RTTN: variants seen among roughly 807,000 people sequenced by gnomAD.
The protein encoded by RTTN is rotatin.
Under a neutral mutation model 269.2 loss-of-function variants are expected in RTTN, and 182 were observed. The ratio of observed to expected loss-of-function variants is 0.68; its 90% CI spans 0.60 to 0.76. The LOEUF is 0.76. Ranked by LOEUF, RTTN falls within the 30% of genes least tolerant of loss-of-function variation. RTTN has a pLI of 0.00. For missense variants in RTTN, 2,545 were observed against 2,608.6 expected (o/e 0.98, Z 0.53); for synonymous variants, 1,006 against 963.5 (o/e 1.04, Z -0.82).
chr18:70,122,257 T>TAA (rs113448534), intron 25 of RTTN, among the ~76,000 whole-genome samples: 1 of 146,152 alleles, frequency 6.8e-6, no homozygotes, highest in Non-Finnish European at 1.5e-5. Flanking sequence ...AAGATTTCTT[T>TAA]AAAAAAAAAA....
intron 46 of RTTN, among the ~76,000 whole-genome samples, chr18:70,013,381 G>GTATA (rs1444946491): frequency 6.6e-6 from 1 of 150,816 alleles, no homozygotes; most frequent in Non-Finnish European, 1.5e-5. Context: ...GTGTGTGTAT[G>GTATA]TATATATACA....
chr18:70,055,930 G>A (rs974603369), intron 37 of RTTN, among the ~76,000 whole-genome samples: 3 of 152,032 alleles, frequency 2.0e-5, no homozygotes, highest in African/African-American at 4.8e-5. Context: ...CCCATCTGCC[G>A]CAGGCACTCG....
intron 32 of RTTN, among the ~76,000 whole-genome samples, chr18:70,083,241 A>G (rs1426353247): frequency 5.3e-5 from 8 of 152,154 alleles, no homozygotes; most frequent in Non-Finnish European, 1.0e-4. Flanking sequence ...CCCCACTTCC[A>G]GTATGCTTCT....
In RTTN at chr18:70,127,549, T is replaced by C; in HGVS notation, c.3336A>G (p.Pro1112=). 3 of 1,613,514 alleles carry C rather than the reference T, an allele frequency of 1.9e-6. No individual in the cohort carries two copies. The South Asian group carries it at 3.3e-5, about 18-fold the overall frequency. The change falls in exon 25 of 49, where the codon CCA becomes CCG. Residue 1112 remains proline, a synonymous_variant. Transcript: ENST00000640769. Reference sequence around the variant, plus strand: ...CCAAGGACTTCAAGGTAACCCCACATGGACCAGGGCAACCCTTTAAAGACA... The same window carrying C: ...CCAAGGACTTCAAGGTAACCCCACACGGACCAGGGCAACCCTTTAAAGACA... ...DRLSLKGCPG[P]CGVTLKSLAW...
chr18:70,198,155 T>C (rs1600073698), intron 5 of RTTN, among the ~76,000 whole-genome samples: 1 of 152,308 alleles, frequency 6.6e-6, no homozygotes, highest in African/African-American at 2.4e-5. Flanking sequence ...TTAAAGTCCT[T>C]ACTGATCTTC....
At chr18:70,203,605 T>C (rs992848820) in intron 3 of RTTN, among the ~76,000 whole-genome samples, 2 of 152,206 alleles carry the variant, frequency 1.3e-5, no homozygotes, top group Admixed American at 6.5e-5. Flanking sequence ...CTTAAATCCA[T>C]GTCTCTTTGA....
intron 28 of RTTN, among the ~76,000 whole-genome samples, chr18:70,098,880 C>T (rs963086354): frequency 2.6e-5 from 4 of 152,082 alleles, no homozygotes; most frequent in Admixed American, 6.6e-5. Flanking sequence ...CTTATGAGCA[C>T]GAACATGCAG....
chr18:70,143,524 T>G (rs2060312974), intron 18 of RTTN, among the ~76,000 whole-genome samples: 1 of 152,126 alleles, frequency 6.6e-6, no homozygotes, highest in Non-Finnish European at 1.5e-5. Flanking sequence ...ATGTTCTCAC[T>G]TATAAGCAGG....
intron 27 of RTTN, among the ~76,000 whole-genome samples, chr18:70,112,371 A>G (rs2059490737): frequency 6.6e-6 from 1 of 151,842 alleles, no homozygotes; most frequent in Admixed American, 6.6e-5. Context: ...AAATTGGATA[A>G]AGAGTCAAGA....
chr18:70,142,277 A>C lies in RTTN; in HGVS notation c.2581+11T>G. On this transcript the variant is annotated intron_variant, in intron 19 of 48. Coordinates refer to ENST00000640769, the MANE Select transcript of RTTN (RefSeq NM_173630.4). ...AGCAGTACAGCAATCATTTCCCTTA[A>C]AAGACATTACCTTGCATAATCACAG... is the stretch of plus-strand genomic sequence containing the variant. 1 of 1,539,558 alleles carries C rather than the reference A, an allele frequency of 6.5e-7. No homozygotes were observed. Among genetic ancestry groups the C allele is most frequent in the Non-Finnish European group, 9.0e-7 (1 of 1,114,990 alleles).
Position 70,092,118 on chromosome 18 carries a change from C to T in RTTN, c.4135G>A (p.Asp1379Asn). 6.2e-7 allele frequency: 1 copy of T among 1,601,080 alleles called. No individual in the cohort carries two copies. Among genetic ancestry groups the T allele is most frequent in the Non-Finnish European group, 8.6e-7 (1 of 1,168,522 alleles). Reference sequence around the variant, plus strand: ...TTCTCCTTCACACTCACCTCTGGGTCCCGATCAACCCATAATGGAATCAAC... The same window carrying T: ...TTCTCCTTCACACTCACCTCTGGGTTCCGATCAACCCATAATGGAATCAAC... Reference protein sequence around the residue: ...AWLIPLWVDRDPEVRFTSLGL... With the variant: ...AWLIPLWVDRNPEVRFTSLGL... Residue 1379 changes from aspartate to asparagine, a missense_variant, in exon 30 of 49, where the codon GAC (aspartate) becomes AAC (asparagine). Coordinates refer to ENST00000640769, the MANE Select transcript of RTTN (RefSeq NM_173630.4).
At chr18:70,199,057 C>T (rs2061885207) in intron 5 of RTTN, among the ~76,000 whole-genome samples, 1 of 152,046 alleles carries the variant, frequency 6.6e-6, no homozygotes, top group African/African-American at 2.4e-5. Context: ...CGTGGTGGTG[C>T]GTGCCTGTAA....
At chr18:70,150,542 A>C (rs959111575) in intron 15 of RTTN, 66 bp downstream of exon 15, 1 of 1,460,214 alleles carries the variant, frequency 6.8e-7, no homozygotes, top group Non-Finnish European at 9.6e-7. Flanking sequence ...CTATATTAGA[A>C]TATCACCTTG....
intron 40 of RTTN, among the ~76,000 whole-genome samples, chr18:70,038,673 G>A (rs911913869): frequency 6.6e-6 from 1 of 152,084 alleles, no homozygotes; most frequent in African/African-American, 2.4e-5. Flanking sequence ...AGATATTGAC[G>A]AACATCTAAA....
intron 43 of RTTN, among the ~76,000 whole-genome samples, chr18:70,028,067 G>GT (rs752733883): frequency 1.4e-4 from 21 of 151,880 alleles, no homozygotes; most frequent in Non-Finnish European, 8.8e-5. Flanking sequence ...GAATAATCTA[G>GT]TATTTCTGCA....
At chr18:70,073,271 T>C (rs2058344102) in intron 34 of RTTN, among the ~76,000 whole-genome samples, 2 of 152,104 alleles carry the variant, frequency 1.3e-5, no homozygotes, top group African/African-American at 4.8e-5. Context: ...TGTTTCAAAC[T>C]TTTCTGCAAA....
intron 17 of RTTN, among the ~76,000 whole-genome samples, chr18:70,146,860 CT>C (rs1227270281): frequency 6.6e-6 from 1 of 152,174 alleles, no homozygotes; most frequent in African/African-American, 2.4e-5. Flanking sequence ...ATATTGTTAA[CT>C]GATATCATCT....
chr18:70,103,663 GT>G (rs2059238767), intron 28 of RTTN, among the ~76,000 whole-genome samples: 1 of 145,924 alleles, frequency 6.9e-6, no homozygotes, highest in African/African-American at 2.5e-5. Flanking sequence ...AGAGACCTTT[GT>G]TCAAGTGTTT....
chr18:70,053,823 T>C lies in RTTN; in HGVS notation c.5185+308A>G, dbSNP rs191678902. ...TGTTATTGGGAATGTTTTATTAAGC[T>C]TTTGGCCTTAGCCATAGTTTATAAG... On this transcript the variant is annotated intron_variant, in intron 38 of 48. Coordinates refer to ENST00000640769, the MANE Select transcript of RTTN (RefSeq NM_173630.4). Among the ~76,000 whole-genome samples the C allele has an allele frequency of 6.0e-3, 908 of 152,372 alleles. 4 individuals are homozygous for C. The highest frequency in any genetic ancestry group is 9.2e-3 in the Non-Finnish European group (627 of 68,032).
Sources: gnomAD v4.1 joint callset for allele counts (sites outside exome capture counted in the v4.1 genomes callset) on GRCh38, gnomAD v4.1.1 for gene constraint, MANE v1.5 for transcripts, NCBI Gene and HGNC (gene_info 2026-07-23, HGNC 2026-07-21) for gene names.